The following VPS13C variants were observed in gnomAD, a reference collection of about 807,000 sequenced individuals.
The protein encoded by VPS13C is intermembrane lipid transfer protein VPS13C.
Under a neutral mutation model 456.8 loss-of-function variants are expected in VPS13C, and 358 were observed. The observed-to-expected ratio is 0.78, with a 90% CI of 0.72 to 0.86. VPS13C has a LOEUF of 0.86. Among genes scored for constraint, VPS13C ranks in the 40% least tolerant of loss-of-function variants. The probability of loss-of-function intolerance (pLI) is 0.00; values close to 1 mark genes in which losing one functional copy is unlikely to be tolerated. For synonymous variants in VPS13C, 1,578 were observed against 1,486.7 expected, an observed-to-expected ratio of 1.06 and a Z score of -1.41; for missense variants, 4,818 against 4,385.4, an observed-to-expected ratio of 1.10 and a Z score of -2.79.
At chr15:61,913,741 CT>C (rs1287066914) in intron 61 of VPS13C, among the ~76,000 whole-genome samples, 12 of 152,118 alleles carry the variant, frequency 7.9e-5, no homozygotes, top group Admixed American at 7.9e-4. Context: ...CAGTGATAGA[CT>C]TATGACATAG....
At chr15:62,002,023 G>C (rs1403485266) in intron 15 of VPS13C, among the ~76,000 whole-genome samples, 1 of 152,022 alleles carries the variant, frequency 6.6e-6, no homozygotes, top group Non-Finnish European at 1.5e-5. Flanking sequence ...TAGTCCTTTG[G>C]GTATATACCC....
chr15:61,908,096 T>C (rs539330167), intron 65 of VPS13C, among the ~76,000 whole-genome samples: 5 of 152,272 alleles, frequency 3.3e-5, no homozygotes, highest in Admixed American at 3.3e-4. Context: ...TGAGTCAAAA[T>C]CTGCATCTTA....
intron 3 of VPS13C, among the ~76,000 whole-genome samples, chr15:62,037,077 G>A (rs988701646): frequency 2.0e-5 from 3 of 146,496 alleles, no homozygotes; most frequent in African/African-American, 7.6e-5. Context: ...GGGTAACAGT[G>A]AAGGAAGCCA....
chr15:61,963,588 C>T (rs2045285167), intron 32 of VPS13C, among the ~76,000 whole-genome samples: 1 of 152,064 alleles, frequency 6.6e-6, no homozygotes, highest in Non-Finnish European at 1.5e-5. Flanking sequence ...CATCAGTATC[C>T]CTTTTCCACT....
intron 60 of VPS13C, among the ~76,000 whole-genome samples, chr15:61,916,641 C>A (rs910244674): frequency 4.6e-5 from 7 of 151,938 alleles, no homozygotes; most frequent in Non-Finnish European, 1.0e-4. Context: ...AGGAATGGCT[C>A]ATTGTCAGAT....
At chr15:61,993,997 T>A (rs1489379269) in intron 16 of VPS13C, among the ~76,000 whole-genome samples, 1 of 152,032 alleles carries the variant, frequency 6.6e-6, no homozygotes, top group African/African-American at 2.4e-5. Flanking sequence ...TAAATAAAAA[T>A]ATACAAATGA....
intron 60 of VPS13C, 83 bp downstream of exon 60, chr15:61,917,258 G>A (rs1392350829): frequency 7.1e-7 from 1 of 1,402,648 alleles, no homozygotes; most frequent in East Asian, 2.4e-5. Context: ...ATAAAACACT[G>A]ACCTCACTTA....
intron 15 of VPS13C, among the ~76,000 whole-genome samples, chr15:62,005,859 C>A (rs192500720): frequency 6.6e-6 from 1 of 151,570 alleles, no homozygotes; most frequent in African/African-American, 2.4e-5. Flanking sequence ...CCCACCACCA[C>A]GCCCAGCTAA....
chr15:61,951,720 G>T, intron 39 of VPS13C, 104 bp downstream of exon 39: 1 of 1,262,396 alleles, frequency 7.9e-7, no homozygotes, highest in Non-Finnish European at 1.1e-6. Context: ...TAATGTACTA[G>T]GAAATTAACA....
chr15:61,930,815 A>G (rs1407311178), intron 50 of VPS13C, among the ~76,000 whole-genome samples: 2 of 152,228 alleles, frequency 1.3e-5, no homozygotes, highest in South Asian at 2.1e-4. Flanking sequence ...ATCACCAAAT[A>G]TATCACCCCA....
intron 65 of VPS13C, among the ~76,000 whole-genome samples, chr15:61,908,282 G>T (rs2043205044): frequency 6.6e-6 from 1 of 151,748 alleles, no homozygotes; most frequent in Non-Finnish European, 1.5e-5. Flanking sequence ...TAAGACTAGG[G>T]AAATCTTTAA....
intron 10 of VPS13C, 131 bp downstream of exon 10, chr15:62,013,802 C>G (rs2047129114): frequency 1.7e-6 from 1 of 599,008 alleles, no homozygotes; most frequent in African/African-American, 1.9e-5. Context: ...TAGTAAGTAG[C>G]AGGGCCAAAA....
intron 28 of VPS13C, among the ~76,000 whole-genome samples, chr15:61,969,002 C>G (rs1255747982): frequency 6.6e-6 from 1 of 152,024 alleles, no homozygotes; most frequent in Non-Finnish European, 1.5e-5. Context: ...AGCACAGACC[C>G]TAGGGCCACA....
At chr15:62,040,521 TG>T (rs2048205758) in intron 3 of VPS13C, among the ~76,000 whole-genome samples, 1 of 151,644 alleles carries the variant, frequency 6.6e-6, no homozygotes, top group Admixed American at 6.6e-5. Context: ...AAAAATTTAA[TG>T]GAAATAACAG....
At position 62,007,361 on chromosome 15, in the gene VPS13C, T is replaced by C. The variant is rs1159719031; in HGVS notation, c.1237A>G (p.Lys413Glu). The change falls in exon 15 of 85, where the codon AAA becomes GAA. Residue 413 changes from lysine (K) to glutamate (E), a missense_variant. This residue lies in a region of VPS13C where 4,552 missense variants were observed against 4,130.6 expected (regional missense o/e 1.10). Transcript: ENST00000644861. ...ACTTTAGACTGTGTTAACTTGTTTTTGTAGGCAATTTTATAACTCTTGAGT... is the reference window on the plus strand; with the variant it reads ...ACTTTAGACTGTGTTAACTTGTTTTCGTAGGCAATTTTATAACTCTTGAGT... ...QLLKSYKIAY[K>E]NKLTQSKVSE... is the part of the protein sequence containing the mutation. 6 of 1,612,900 alleles carry C rather than the reference T, an allele frequency of 3.7e-6. No homozygotes were observed. The Admixed American group carries it at 6.7e-5, about 18-fold the overall frequency.
chr15:62,023,212 A>C (rs2047523024), intron 8 of VPS13C, among the ~76,000 whole-genome samples, 199 bp downstream of exon 8: 1 of 151,946 alleles, frequency 6.6e-6, no homozygotes. Context: ...AGAAAGGAAC[A>C]CATGGTAATT....
chr15:61,910,959 G>A (rs2043286022), intron 63 of VPS13C, among the ~76,000 whole-genome samples: 1 of 152,048 alleles, frequency 6.6e-6, no homozygotes, highest in South Asian at 2.1e-4. Flanking sequence ...GCACTTACTT[G>A]TTGCTGAGTT....
chr15:61,883,231 C>G (rs1376768327), intron 68 of VPS13C, among the ~76,000 whole-genome samples: 2 of 146,248 alleles, frequency 1.4e-5, no homozygotes, highest in Non-Finnish European at 3.0e-5. Context: ...GAGACAAGGT[C>G]TCACTATGTT....
At position 61,920,357 on chromosome 15, in the gene VPS13C, A is replaced by C. The variant is rs150642938; in HGVS notation, c.7213-26T>G. The C allele has an allele frequency of 8.5e-6, 13 of 1,537,838 alleles. 1 individual carries two copies. The highest frequency in any genetic ancestry group is 3.5e-4 in the Middle Eastern group (2 of 5,662). ...CTGAAAAGGAACATATCATCACAGTAAAATTTTTGAAAAACATACATTCTT... is the reference window on the plus strand; with the variant it reads ...CTGAAAAGGAACATATCATCACAGTCAAATTTTTGAAAAACATACATTCTT... On this transcript the variant is annotated intron_variant, in intron 56 of 84. Transcript: ENST00000644861.
Sources: allele counts gnomAD v4.1 joint callset (sites outside exome capture counted in the v4.1 genomes callset), GRCh38; gene constraint gnomAD v4.1.1; regional missense constraint gnomAD v4.1.1; transcripts MANE v1.5; gene names NCBI Gene and HGNC (gene_info 2026-07-23, HGNC 2026-07-21).